Variants in USP22 observed in about 807,000 individuals in gnomAD.
USP22 encodes the protein ubiquitin specific peptidase 22.
In USP22, 22 loss-of-function variants were observed where a neutral mutation model predicts 68.1. The observed-to-expected ratio is 0.32, with a 90% CI of 0.23 to 0.46. The LOEUF (loss-of-function observed/expected upper bound fraction) is 0.46. Ranked by LOEUF, USP22 falls within the 20% of genes least tolerant of loss-of-function variation. USP22 has a pLI of 1.00. For synonymous variants in USP22, 279 were observed against 274.2 expected, an observed-to-expected ratio of 1.02 and a Z score of -0.17; for missense variants, 433 against 695.8, an observed-to-expected ratio of 0.62 and a Z score of 4.25.
intron 1 of USP22, among the ~76,000 whole-genome samples, chr17:21,041,583 G>A (rs1469362569): frequency 6.6e-6 from 1 of 152,160 alleles, no homozygotes; most frequent in African/African-American, 2.4e-5. Context: ...GGGGTACAAA[G>A]CGAGACTTCG....
chr17:21,025,168 T>A (rs1304707359), intron 2 of USP22, among the ~76,000 whole-genome samples: 2 of 152,052 alleles, frequency 1.3e-5, no homozygotes, highest in African/African-American at 4.8e-5. Context: ...CATGTGTATA[T>A]ATAAAGAACA....
At position 21,021,158 on chromosome 17, in the gene USP22, C is replaced by T; in HGVS notation, c.373G>A (p.Glu125Lys). The change falls in exon 3 of 13, where the codon GAA (glutamate) becomes AAA (lysine). Residue 125 changes from glutamate (E) to lysine (K), a missense_variant. This residue lies in a region of USP22 where 144 missense variants were observed against 237.2 expected (regional missense o/e 0.61). Coordinates refer to ENST00000261497, the MANE Select transcript of USP22 (RefSeq NM_015276.2). ...CQDYIYDKDM[E>K]IIAKEEQRKA... ...CGCTGCTCCTCCTTGGCGATTATTT[C>T]CATGTCTTTGTCATAGATGTAGTCC... 6.2e-7 allele frequency: 1 copy of T among 1,614,184 alleles called. No homozygotes were observed. Among genetic ancestry groups the T allele is most frequent in the Non-Finnish European group, 8.5e-7 (1 of 1,180,022 alleles).
At chr17:21,026,195 T>A (rs1215830230) in intron 2 of USP22, among the ~76,000 whole-genome samples, 1 of 152,098 alleles carries the variant, frequency 6.6e-6, no homozygotes, top group Non-Finnish European at 1.5e-5. Flanking sequence ...GAGGCGGAGG[T>A]TGCAGTGAGC....
chr17:21,028,425 A>T, intron 2 of USP22, 117 bp downstream of exon 2: 1 of 1,483,428 alleles, frequency 6.7e-7, no homozygotes, highest in South Asian at 1.3e-5. Flanking sequence ...AGGGGCACGC[A>T]TTACTTGAGA....
chr17:21,011,261 G>C lies in USP22; in HGVS notation c.993C>G (p.Leu331=), dbSNP rs1359788240. The C allele has an allele frequency of 3.1e-6, 5 of 1,589,204 alleles. No individual in the cohort carries two copies. The East Asian group carries it at 1.2e-4, about 37-fold the overall frequency. The change falls in exon 8 of 13, where the codon CTC becomes CTG. Residue 331 remains leucine (L), a synonymous_variant. Coordinates refer to ENST00000261497, the MANE Select transcript of USP22 (RefSeq NM_015276.2). ...GCCAGAATGGGGTGGAAGAGCCGGGGAGATCCAAGCTGATGTCCCAGAAGG... is the reference window on the plus strand; with the variant it reads ...GCCAGAATGGGGTGGAAGAGCCGGGCAGATCCAAGCTGATGTCCCAGAAGG... ...IDPFWDISLD[L]PGSSTPFWPL...
At chr17:21,016,542 G>C (rs1242796467) in intron 5 of USP22, among the ~76,000 whole-genome samples, 3 of 152,200 alleles carry the variant, frequency 2.0e-5, no homozygotes, top group African/African-American at 4.8e-5. Flanking sequence ...TGTCTGAACT[G>C]GGAAACAGAC....
intron 1 of USP22, among the ~76,000 whole-genome samples, chr17:21,041,029 C>T (rs1024028450): frequency 1.3e-5 from 2 of 152,010 alleles, no homozygotes; most frequent in Non-Finnish European, 1.5e-5. Context: ...GGATTACAGG[C>T]GCCCGCCATC....
Position 21,028,662 on chromosome 17 carries a change from T to C in USP22, c.184A>G (p.Ile62Val), listed in dbSNP as rs1972252020. 6 of 1,613,708 alleles carry C rather than the reference T, an allele frequency of 3.7e-6. No individual in the cohort carries two copies. The highest frequency in any genetic ancestry group is 5.1e-6 in the Non-Finnish European group (6 of 1,179,944). The change falls in exon 2 of 13, where the codon ATC (isoleucine) becomes GTC (valine). Residue 62 changes from isoleucine to valine, a missense_variant. Coordinates refer to ENST00000261497, the MANE Select transcript of USP22 (RefSeq NM_015276.2). ...AGGTGGACGCCACAGACATGGCAGA[T>C]ACAGGACTTGGCCTGAAATTCAGAG... ...EARKRKAKSC[I>V]CHVCGVHLNR...
At chr17:21,032,558 C>T (rs570566548) in intron 1 of USP22, among the ~76,000 whole-genome samples, 11 of 152,138 alleles carry the variant, frequency 7.2e-5, no homozygotes, top group African/African-American at 1.9e-4. Flanking sequence ...CTAAGTTAAT[C>T]GGTTTGTGGT....
rs955906243 is a variant in USP22 at position 21,000,259 on chromosome 17, G to T, written c.*2772C>A. 6.6e-6 allele frequency: 1 copy of T among 152,224 alleles called. No homozygotes were observed. The highest frequency in any genetic ancestry group is 6.5e-5 in the Admixed American group (1 of 15,276). The allele number at this position is 152,224 out of a possible 1,614,324, so 9.4% of individuals were successfully genotyped here. The stretch of plus-strand genomic sequence containing the variant: ...TTCACAGCCAGATGGGGAGCTAAAA[G>T]AAATTCCTGAACCCAACGCGTAAAT... On this transcript the variant is annotated 3_prime_UTR_variant, in exon 13 of 13. Transcript: ENST00000261497.
intron 12 of USP22, 152 bp downstream of exon 12, chr17:21,004,050 G>C (rs1913692467): frequency 8.2e-6 from 9 of 1,103,614 alleles, no homozygotes; most frequent in Non-Finnish European, 1.1e-5. Flanking sequence ...CATCGAGGCT[G>C]GCATCCTATC....
At chr17:21,021,074 A>C in intron 3 of USP22, 39 bp downstream of exon 3, 63 of 1,439,700 alleles carry the variant, frequency 4.4e-5, no homozygotes, top group Non-Finnish European at 5.4e-5. Flanking sequence ...ACATGAGGGA[A>C]CTGCAGGATC....
Position 21,002,791 on chromosome 17 carries a change from C to T in USP22, c.*240G>A, listed in dbSNP as rs1913633059. 2.8e-5 allele frequency: 14 copies of T among 498,764 alleles called. No individual in the cohort carries two copies. The highest frequency in any genetic ancestry group is 4.4e-5 in the Non-Finnish European group (12 of 271,030). The allele number at this position is 498,764 out of a possible 1,614,324, so 30.9% of individuals were successfully genotyped here. On this transcript the variant is annotated 3_prime_UTR_variant, in exon 13 of 13. Coordinates refer to ENST00000261497, the MANE Select transcript of USP22 (RefSeq NM_015276.2). ...TGGTGACGGGTGTACGCTGCTCCTCCCACCCAGAGCACACCCCTCATCTCA... is the reference window on the plus strand; with the variant it reads ...TGGTGACGGGTGTACGCTGCTCCTCTCACCCAGAGCACACCCCTCATCTCA...
chr17:21,030,112 TC>T, intron 1 of USP22, among the ~76,000 whole-genome samples: 1 of 152,300 alleles, frequency 6.6e-6, no homozygotes, highest in Non-Finnish European at 1.5e-5. Flanking sequence ...CCATGGATAC[TC>T]AAGTCCCTGA....
At chr17:21,009,395 C>G (rs1031454587) in intron 8 of USP22, among the ~76,000 whole-genome samples, 13 of 152,164 alleles carry the variant, frequency 8.5e-5, no homozygotes. Flanking sequence ...GCACCTGTTT[C>G]GTTGCTAGCT....
chr17:21,017,798 A>C (rs757564790), intron 5 of USP22, 144 bp downstream of exon 5: 385 of 1,083,214 alleles, frequency 3.6e-4, no homozygotes, highest in Non-Finnish European at 4.7e-4. Flanking sequence ...TGTGTTTTCC[A>C]TAATAGACAT....
chr17:21,031,218 C>A (rs62058987), intron 1 of USP22, among the ~76,000 whole-genome samples: 24,202 of 152,190 alleles, frequency 0.16, 2,410 homozygotes, highest in South Asian at 0.24. Flanking sequence ...AAGACACGTA[C>A]AAGGACTTTT....
rs1171794876 is a variant in USP22 at position 21,001,829 on chromosome 17, A to G, written c.*1202T>C. 6.6e-6 allele frequency: 1 copy of G among 152,264 alleles called. No individual in the cohort carries two copies. The highest frequency in any genetic ancestry group is 1.9e-4 in the East Asian group (1 of 5,202). The allele number at this position is 152,264 out of a possible 1,614,324, so 9.4% of individuals were successfully genotyped here. ...TCTGTTTGAATTTGAATACACAGATACATGCAAGATATCTTACAAGAAACA... is the reference window on the plus strand; with the variant it reads ...TCTGTTTGAATTTGAATACACAGATGCATGCAAGATATCTTACAAGAAACA... On this transcript the variant is annotated 3_prime_UTR_variant, in exon 13 of 13. Transcript: ENST00000261497.
At chr17:21,031,799 T>G (rs1405360669) in intron 1 of USP22, among the ~76,000 whole-genome samples, 6 of 152,214 alleles carry the variant, frequency 3.9e-5, no homozygotes, top group Non-Finnish European at 8.8e-5. Context: ...CTACACAACC[T>G]AGGATGCTCC....
Sources: allele counts gnomAD v4.1 joint callset (sites outside exome capture counted in the v4.1 genomes callset), GRCh38; gene constraint gnomAD v4.1.1; regional missense constraint gnomAD v4.1.1; transcripts MANE v1.5; gene names NCBI Gene and HGNC (gene_info 2026-07-23, HGNC 2026-07-21).